Variants in MAP7D2 observed in about 807,000 individuals in gnomAD.
MAP7D2 encodes the protein MAP7 domain-containing protein 2.
In MAP7D2, 33 loss-of-function variants were observed where a neutral mutation model predicts 63.5. That is an observed-to-expected ratio of 0.52 (90% confidence interval 0.39 to 0.70). The LOEUF is 0.70. Among genes scored for constraint, MAP7D2 ranks in the 30% least tolerant of loss-of-function variants. MAP7D2 has a pLI of 0.00. For missense variants in MAP7D2, 626 were observed against 604.0 expected, an observed-to-expected ratio of 1.04 and a Z score of -0.38; for synonymous variants, 224 against 223.7, an observed-to-expected ratio of 1.00 and a Z score of -0.01.
Position 20,016,232 on chromosome X carries a change from C to T in MAP7D2, c.1506G>A (p.Gln502=), listed in dbSNP as rs1475132767. The T allele has an allele frequency of 8.3e-6, 10 of 1,204,860 alleles. No individual in the cohort carries two copies. Among genetic ancestry groups the T allele is most frequent in the African/African-American group, 1.8e-5 (1 of 56,935 alleles). The change falls in exon 11 of 17, where the codon CAG becomes CAA. Residue 502 remains glutamine, a synonymous_variant. Transcript: ENST00000379643. ...ARKQEEERKR[Q]EEEKKKQEGE... ...CTTCCTGTTTTTTCTTTTCCTCTTC[C>T]TGCCGCTTCCTTTCTTCTTCCTGCT...
intron 1 of MAP7D2, among the ~76,000 whole-genome samples, chrX:20,108,503 G>A (rs2066634716): frequency 9.1e-6 from 1 of 110,195 alleles, no homozygotes; most frequent in South Asian, 3.9e-4. Flanking sequence ...CCAAAGTGCT[G>A]GGATTACAGG....
chrX:20,061,070 G>C (rs2065210470), intron 3 of MAP7D2, among the ~76,000 whole-genome samples: 1 of 91,223 alleles, frequency 1.1e-5, no homozygotes, highest in Non-Finnish European at 2.1e-5. Context: ...TAGGATGAAT[G>C]ATCTTCCTGC....
At chrX:20,094,355 G>A (rs1041647407) in intron 1 of MAP7D2, among the ~76,000 whole-genome samples, 20 of 102,374 alleles carry the variant, frequency 2.0e-4, no homozygotes, top group African/African-American at 6.9e-4. Flanking sequence ...AAGGCCTCAC[G>A]AGTAGCTGAA....
intron 6 of MAP7D2, among the ~76,000 whole-genome samples, chrX:20,049,270 A>ATT (rs60182799): frequency 4.9e-5 from 4 of 81,767 alleles, no homozygotes; most frequent in Admixed American, 1.3e-4. Flanking sequence ...ATGTATCTGT[A>ATT]TTTTTTTTTT....
At chrX:20,053,110 TGCTCTGC>T in intron 4 of MAP7D2, 122 bp from the exon 5 acceptor site, 1 of 486,643 alleles carries the variant, frequency 2.1e-6, no homozygotes, top group Non-Finnish European at 3.6e-6. Context: ...TGGCACAGCA[TGCTCTGC>T]TTTCATCATC....
chrX:20,056,765 C>T lies in MAP7D2; in HGVS notation c.399G>A (p.Arg133=). The T allele has an allele frequency of 2.5e-6, 3 of 1,211,213 alleles. No homozygotes were observed. The highest frequency in any genetic ancestry group is 3.4e-6 in the Non-Finnish European group (3 of 895,270). ...EEERLEAMMR[R]SLERTQQLEL... ...CCAGCTGCTGTGTGCGCTCCAGGGA[C>T]CGGCGCATCATCGCCTCCAGCCGTT... Residue 133 remains arginine (R), a synonymous_variant, in exon 4 of 17, where the codon CGG becomes CGA. Coordinates refer to ENST00000379643, the MANE Select transcript of MAP7D2 (RefSeq NM_001168465.2).
chrX:20,104,962 A>C lies in MAP7D2; in HGVS notation c.130+11788T>G, dbSNP rs1430267238. On this transcript the variant is annotated intron_variant, in intron 1 of 16. Transcript: ENST00000379643. ...TATTGAAGGAAGAGAACATACAGGA[A>C]TCCCATGGGGGGCTGTTTTTAAGAA... 3.6e-5 allele frequency among the ~76,000 whole-genome samples: 4 copies of C among 112,557 alleles called. No homozygotes were observed. The Admixed American group carries it at 3.8e-4, about 11-fold the overall frequency.
At chrX:20,074,668 G>A (rs996949926) in intron 1 of MAP7D2, among the ~76,000 whole-genome samples, 2 of 111,687 alleles carry the variant, frequency 1.8e-5, no homozygotes, top group East Asian at 5.5e-4. Flanking sequence ...AACCAACAGC[G>A]AAATTGTGTA....
chrX:20,076,285 C>T (rs183800042), intron 1 of MAP7D2, among the ~76,000 whole-genome samples: 3 of 111,925 alleles, frequency 2.7e-5, no homozygotes, highest in African/African-American at 9.7e-5. Flanking sequence ...TTCCTTGCAA[C>T]GTGCCCCTTT....
intron 1 of MAP7D2, among the ~76,000 whole-genome samples, chrX:20,072,554 C>A (rs2065531365): frequency 9.0e-6 from 1 of 111,620 alleles, no homozygotes; most frequent in Non-Finnish European, 1.9e-5. Flanking sequence ...GAAGGGGAAG[C>A]AGTAACATAT....
chrX:20,113,884 A>T (rs186687267), intron 1 of MAP7D2, among the ~76,000 whole-genome samples: 10 of 111,923 alleles, frequency 8.9e-5, no homozygotes, highest in Admixed American at 8.5e-4. Context: ...ATTATTATTG[A>T]CTATAATTAC....
At chrX:20,041,620 C>T (rs2064657089) in intron 8 of MAP7D2, among the ~76,000 whole-genome samples, 1 of 112,221 alleles carries the variant, frequency 8.9e-6, no homozygotes, top group Non-Finnish European at 1.9e-5. Flanking sequence ...AACTGATACA[C>T]TGAATAAGGT....
chrX:20,024,446 T>C (rs944081011), intron 10 of MAP7D2, among the ~76,000 whole-genome samples: 32 of 112,156 alleles, frequency 2.9e-4, no homozygotes, highest in Non-Finnish European at 5.8e-4. Flanking sequence ...TCTTAGACTA[T>C]GCGGTTGCCC....
intron 1 of MAP7D2, among the ~76,000 whole-genome samples, chrX:20,088,707 T>G (rs1038261234): frequency 9.1e-6 from 1 of 110,062 alleles, no homozygotes; most frequent in African/African-American, 3.3e-5. Context: ...TGGTGTCTTT[T>G]GAAGAAAAGA....
intron 1 of MAP7D2, among the ~76,000 whole-genome samples, chrX:20,084,044 T>C (rs1489432664): frequency 3.6e-5 from 4 of 110,259 alleles, no homozygotes; most frequent in Non-Finnish European, 7.6e-5. Context: ...CTACCAAAAA[T>C]ACAAAAATTA....
chrX:20,052,174 A>G (rs1344149740), intron 5 of MAP7D2, among the ~76,000 whole-genome samples: 1 of 112,510 alleles, frequency 8.9e-6, no homozygotes, highest in Non-Finnish European at 1.9e-5. Context: ...GCTTTAGAAT[A>G]AACATTTAGT....
chrX:20,049,718 C>T (rs1049672786), intron 6 of MAP7D2: 10 of 215,726 alleles, frequency 4.6e-5, no homozygotes, highest in Non-Finnish European at 7.8e-5. Context: ...ATTGCTGGGT[C>T]GTATGGGAAC....
At position 20,006,961 on chromosome X, in the gene MAP7D2, C is replaced by A. The variant is rs755744437; in HGVS notation, c.*1464G>T. 8.9e-6 allele frequency: 1 copy of A among 112,093 alleles called. No homozygotes were observed. The highest frequency in any genetic ancestry group is 1.9e-5 in the Non-Finnish European group (1 of 53,247). The allele number at this position is 112,093 out of a possible 1,213,427, so 9.2% of individuals were successfully genotyped here. Reference sequence around the variant, plus strand: ...GTCACAATGGTGCTGTGAGGTACAACAAATCACAAGAAAACAGACATTTAG... The same window carrying A: ...GTCACAATGGTGCTGTGAGGTACAAAAAATCACAAGAAAACAGACATTTAG... On this transcript the variant is annotated 3_prime_UTR_variant, in exon 17 of 17. Coordinates refer to ENST00000379643, the MANE Select transcript of MAP7D2 (RefSeq NM_001168465.2).
rs759299643 is a variant in MAP7D2, at chrX:20,044,443, T to C, written c.800A>G (p.Lys267Arg). Reference protein sequence around the residue: ...YKSSPTRNIEKKKATSTSTSG... With the variant: ...YKSSPTRNIERKKATSTSTSG... The stretch of plus-strand genomic sequence containing the variant: ...TGTAGACGTAGATGTAGCTTTCTTC[T>C]TCTCAATGTTTCGAGTGGGTGAAGA... The change falls in exon 7 of 17, where the codon AAG (lysine) becomes AGG (arginine). Residue 267 changes from lysine to arginine, a missense_variant. Transcript: ENST00000379643. 7 of 1,208,924 alleles carry C rather than the reference T, an allele frequency of 5.8e-6. No homozygotes were observed. Among genetic ancestry groups the C allele is most frequent in the Non-Finnish European group, 6.7e-6 (6 of 894,333 alleles).
Sources: allele counts gnomAD v4.1 joint callset (sites outside exome capture counted in the v4.1 genomes callset), GRCh38; gene constraint gnomAD v4.1.1; transcripts MANE v1.5; gene names NCBI Gene and HGNC (gene_info 2026-07-23, HGNC 2026-07-21).